The following RAB11FIP4 variants were observed in gnomAD, a reference collection of about 807,000 sequenced individuals.
RAB11FIP4 encodes RAB11 family interacting protein 4.
RAB11FIP4 carries 23 observed loss-of-function variants against 74.3 expected under a neutral mutation model. That is an observed-to-expected ratio of 0.31 (90% confidence interval 0.22 to 0.44). RAB11FIP4 has a LOEUF of 0.44. Among genes scored for constraint, RAB11FIP4 ranks in the 20% least tolerant of loss-of-function variants. The probability of loss-of-function intolerance (pLI) is 1.00; values close to 1 mark genes in which losing one functional copy is unlikely to be tolerated. For synonymous variants in RAB11FIP4, 360 were observed against 359.9 expected, an observed-to-expected ratio of 1.00 and a Z score of 0.00; for missense variants, 630 against 863.9, an observed-to-expected ratio of 0.73 and a Z score of 3.39.
chr17:31,441,794 C>T (rs1430999765), intron 3 of RAB11FIP4, among the ~76,000 whole-genome samples: 1 of 152,092 alleles, frequency 6.6e-6, no homozygotes, highest in Non-Finnish European at 1.5e-5. Flanking sequence ...TCCCAAGGTG[C>T]TAGGATTAGA....
Position 31,504,223 on chromosome 17 carries a change from T to C in RAB11FIP4, c.337-13428T>C, listed in dbSNP as rs2072274957. Among the ~76,000 whole-genome samples the C allele has an allele frequency of 3.4e-5, 5 of 147,840 alleles. No individual in the cohort carries two copies. The South Asian group carries it at 1.0e-3, about 31-fold the overall frequency. On this transcript the variant is annotated intron_variant, in intron 3 of 14. Transcript: ENST00000621161. ...TCGGCTCACTGCAAGCTCTGCCTCC[T>C]GGGTTCACGCCATTCCCCTGCCACA...
At chr17:31,397,135 G>A (rs2070938827) in intron 1 of RAB11FIP4, among the ~76,000 whole-genome samples, 1 of 152,216 alleles carries the variant, frequency 6.6e-6, no homozygotes, top group African/African-American at 2.4e-5. Flanking sequence ...CCTCTGCTCA[G>A]GAGTAGCAAT....
chr17:31,396,479 G>T (rs1394043313), intron 1 of RAB11FIP4, among the ~76,000 whole-genome samples: 1 of 152,216 alleles, frequency 6.6e-6, no homozygotes, highest in Non-Finnish European at 1.5e-5. Flanking sequence ...AAAGGGCTTA[G>T]TCCAGTATCT....
intron 9 of RAB11FIP4, chr17:31,524,758 G>T (rs746698725): frequency 2.0e-5 from 7 of 357,700 alleles, no homozygotes; most frequent in Non-Finnish European, 3.6e-5. Flanking sequence ...CAGAGGGGTG[G>T]CCGGGAAGGA....
chr17:31,509,850 G>A (rs1381793796), intron 3 of RAB11FIP4, among the ~76,000 whole-genome samples: 1 of 152,152 alleles, frequency 6.6e-6, no homozygotes, highest in Non-Finnish European at 1.5e-5. Flanking sequence ...TTGTTGTTCA[G>A]AAGGCAAGGC....
intron 1 of RAB11FIP4, among the ~76,000 whole-genome samples, chr17:31,416,344 G>A (rs1489141240): frequency 1.3e-5 from 2 of 152,210 alleles, no homozygotes; most frequent in African/African-American, 4.8e-5. Context: ...GGCTTAGGGA[G>A]TGGGAGCAAG....
chr17:31,443,422 G>C (rs1012960074), intron 3 of RAB11FIP4, among the ~76,000 whole-genome samples: 2 of 151,970 alleles, frequency 1.3e-5, no homozygotes, highest in Non-Finnish European at 2.9e-5. Context: ...ATGCTTTCCC[G>C]CCCAAGATTG....
intron 3 of RAB11FIP4, among the ~76,000 whole-genome samples, chr17:31,473,144 G>A (rs1006084982): frequency 6.6e-6 from 1 of 152,100 alleles, no homozygotes; most frequent in African/African-American, 2.4e-5. Flanking sequence ...TGGAATGGAA[G>A]GAGGACCCGG....
At chr17:31,464,984 C>T (rs754232219) in intron 3 of RAB11FIP4, among the ~76,000 whole-genome samples, 1 of 151,650 alleles carries the variant, frequency 6.6e-6, no homozygotes, top group Non-Finnish European at 1.5e-5. Flanking sequence ...GTCTCGAACT[C>T]CTGGGCTCAA....
chr17:31,418,970 G>A (rs1317066719), intron 1 of RAB11FIP4, among the ~76,000 whole-genome samples: 1 of 151,982 alleles, frequency 6.6e-6, no homozygotes, highest in Non-Finnish European at 1.5e-5. Flanking sequence ...CTCGCTCTTG[G>A]CACCCACTGA....
At chr17:31,493,959 G>A (rs778080577) in intron 3 of RAB11FIP4, among the ~76,000 whole-genome samples, 3 of 152,090 alleles carry the variant, frequency 2.0e-5, no homozygotes, top group Non-Finnish European at 4.4e-5. Flanking sequence ...ATTCAGATGG[G>A]GCATCCTGTT....
chr17:31,454,082 C>T (rs2071554812), intron 3 of RAB11FIP4, among the ~76,000 whole-genome samples: 1 of 152,104 alleles, frequency 6.6e-6, no homozygotes, highest in African/African-American at 2.4e-5. Flanking sequence ...TTGAGCCCAC[C>T]CCTTTGTCAG....
chr17:31,427,253 G>T (rs763960596), intron 1 of RAB11FIP4, among the ~76,000 whole-genome samples: 2 of 152,180 alleles, frequency 1.3e-5, no homozygotes, highest in Admixed American at 6.5e-5. Context: ...GAGCCACTGC[G>T]CCCGGCTGGC....
intron 3 of RAB11FIP4, among the ~76,000 whole-genome samples, chr17:31,475,220 C>T (rs925034825): frequency 2.3e-5 from 3 of 131,962 alleles, no homozygotes. Context: ...GGGGAGGTCA[C>T]TGGGCATGGT....
chr17:31,420,515 G>T (rs1403080584), intron 1 of RAB11FIP4, among the ~76,000 whole-genome samples: 1 of 151,984 alleles, frequency 6.6e-6, no homozygotes, highest in Non-Finnish European at 1.5e-5. Context: ...TGACAGGTGT[G>T]AGCCACTGTG....
chr17:31,467,868 G>A (rs916695119), intron 3 of RAB11FIP4, among the ~76,000 whole-genome samples: 3 of 152,246 alleles, frequency 2.0e-5, no homozygotes, highest in African/African-American at 7.2e-5. Flanking sequence ...TGAATGCCCA[G>A]GCAGCTGAAA....
intron 3 of RAB11FIP4, among the ~76,000 whole-genome samples, chr17:31,453,501 C>T (rs945498344): frequency 4.6e-5 from 7 of 151,746 alleles, no homozygotes; most frequent in African/African-American, 1.7e-4. Context: ...GCCTCACTTT[C>T]TTCACTTGCT....
chr17:31,517,195 G>GGC (rs2072570840), intron 3 of RAB11FIP4, among the ~76,000 whole-genome samples: 1 of 62,066 alleles, frequency 1.6e-5, no homozygotes, highest in Non-Finnish European at 3.1e-5. Flanking sequence ...GCGGTGCGGG[G>GGC]GGGGGGGCGG....
chr17:31,410,061 A>G (rs942943288), intron 1 of RAB11FIP4, among the ~76,000 whole-genome samples: 6 of 152,106 alleles, frequency 3.9e-5, no homozygotes, highest in African/African-American at 1.4e-4. Flanking sequence ...CGAAATTGGG[A>G]TGCGATACTG....
Sources: gnomAD v4.1 joint callset for allele counts (sites outside exome capture counted in the v4.1 genomes callset) on GRCh38, gnomAD v4.1.1 for gene constraint, MANE v1.5 for transcripts, NCBI Gene and HGNC (gene_info 2026-07-23, HGNC 2026-07-21) for gene names.